UNC13A: variants seen among roughly 807,000 people sequenced by gnomAD.
UNC13A encodes protein unc-13 homolog A.
A neutral mutation model predicts 219.7 loss-of-function variants in UNC13A; 61 were observed. The ratio of observed to expected loss-of-function variants is 0.28; its 90% CI spans 0.23 to 0.34. The LOEUF is 0.34. UNC13A is among the 10% of genes least tolerant of loss of function. UNC13A has a pLI of 1.00. For missense variants in UNC13A, 1,476 were observed against 2,270.3 expected (o/e 0.65, Z 7.11); for synonymous variants, 920 against 884.6 (o/e 1.04, Z -0.71).
chr19:17,642,352 C>T (rs2076980113), intron 20 of UNC13A, among the ~76,000 whole-genome samples: 1 of 152,160 alleles, frequency 6.6e-6, no homozygotes, highest in African/African-American at 2.4e-5. Flanking sequence ...TCCATCCATC[C>T]ATCATCCATC....
At position 17,604,740 on chromosome 19, in the gene UNC13A, T is replaced by A. The variant is rs1171143424; in HGVS notation, c.*1314A>T. The A allele has an allele frequency of 1.3e-5, 2 of 152,234 alleles. No homozygotes were observed. Among genetic ancestry groups the A allele is most frequent in the African/African-American group, 4.8e-5 (2 of 41,438 alleles). 9.4% of individuals were successfully genotyped at this position (152,234 alleles called of 1,614,324 possible). On this transcript the variant is annotated 3_prime_UTR_variant, in exon 44 of 44. Coordinates refer to ENST00000519716, the MANE Select transcript of UNC13A (RefSeq NM_001080421.3). ...TCCAGCCAGGTCACTGTAACTTTGC[T>A]CATTGGAGAAAGAGCTTCCAGCTGG... is the stretch of plus-strand genomic sequence containing the variant.
At chr19:17,639,374 T>C (rs11882798) in intron 24 of UNC13A, 62 bp downstream of exon 24, 232,348 of 1,577,600 alleles carry the variant, frequency 0.15, 17,985 homozygotes, top group Middle Eastern at 0.19. Flanking sequence ...TCACTTGTCC[T>C]GGGAGCTGGG....
intron 1 of UNC13A, among the ~76,000 whole-genome samples, chr19:17,685,319 T>TCACCTC (rs2145938215): frequency 6.6e-6 from 1 of 152,120 alleles, no homozygotes; most frequent in Admixed American, 6.6e-5. Context: ...GCCTCCCGAG[T>TCACCTC]AGCTGAGACT....
At position 17,624,822 on chromosome 19, in the gene UNC13A, G is replaced by A. The variant is rs148883310; in HGVS notation, c.4197+7C>T. 0.023 allele frequency: 36,859 copies of A among 1,611,948 alleles called. 494 individuals are homozygous for A. The highest frequency in any genetic ancestry group is 0.029 in the Middle Eastern group (174 of 6,052). On this transcript the variant is annotated splice_region_variant and intron_variant, in intron 35 of 43. Coordinates refer to ENST00000519716, the MANE Select transcript of UNC13A (RefSeq NM_001080421.3). ...AAATGTCCCCTCGGGCCCCCTGCAG[G>A]TCTCACCGTCTGGTCAGTGAGGGGC...
intron 8 of UNC13A, among the ~76,000 whole-genome samples, chr19:17,658,513 A>G (rs11666188): frequency 0.09 from 13,745 of 152,228 alleles, 787 homozygotes; most frequent in Non-Finnish European, 0.13. Flanking sequence ...AGGACCTACA[A>G]TGTGAAGAAA....
intron 41 of UNC13A, 80 bp downstream of exon 41, chr19:17,617,622 A>G (rs2076680913): frequency 1.9e-6 from 3 of 1,570,692 alleles, no homozygotes; most frequent in Non-Finnish European, 2.6e-6. Flanking sequence ...CAGGGGAGTG[A>G]GCCAATGGCA....
At chr19:17,677,865 T>C (rs2079928985) in intron 1 of UNC13A, among the ~76,000 whole-genome samples, 1 of 152,190 alleles carries the variant, frequency 6.6e-6, no homozygotes, top group African/African-American at 2.4e-5. Context: ...CCACTGGAGA[T>C]GGTCCATGCG....
rs752183960 is a variant in UNC13A at position 17,627,842 on chromosome 19, C to T, written c.3831+21G>A. On this transcript the variant is annotated intron_variant, in intron 32 of 43. Transcript: ENST00000519716. The surrounding 1 kb of genome is among the most constrained non-coding windows in gnomAD (Gnocchi z 4.7). ...GGGGGTGCCCCATCCCTTCTCCAGCCCTGCCTCGGCCCTGCCTCACCTCCT... is the reference window on the plus strand; with the variant it reads ...GGGGGTGCCCCATCCCTTCTCCAGCTCTGCCTCGGCCCTGCCTCACCTCCT... The T allele has an allele frequency of 6.3e-7, 1 of 1,584,494 alleles. No homozygotes were observed. Among genetic ancestry groups the T allele is most frequent in the Non-Finnish European group, 8.6e-7 (1 of 1,163,204 alleles).
In UNC13A at chr19:17,617,798, T is replaced by C. The variant is rs759531080; in HGVS notation, c.4462A>G (p.Ser1488Gly). ...VGLKKTFLEKSPDLQSLRYAL... is the reference protein window; with the variant it reads ...VGLKKTFLEKGPDLQSLRYAL... ...TAGCGCAAGGATTGCAGGTCCGGGC[T>C]CTTCTCCAGGAAGGTCTTCTTGAGG... is the stretch of plus-strand genomic sequence containing the variant. Residue 1488 changes from serine (S) to glycine (G), a missense_variant, in exon 41 of 44, where the codon AGC (serine) becomes GGC (glycine). Around this residue, in one of 14 missense-constraint regions of UNC13A, gnomAD observed 77 missense variants for 94.8 expected, o/e 0.81. Transcript: ENST00000519716. 2 of 1,613,946 alleles carry C rather than the reference T, an allele frequency of 1.2e-6. No homozygotes were observed. Among genetic ancestry groups the C allele is most frequent in the Admixed American group, 1.7e-5 (1 of 60,022 alleles).
chr19:17,685,850 G>T (rs2080098430), intron 1 of UNC13A, among the ~76,000 whole-genome samples: 1 of 152,024 alleles, frequency 6.6e-6, no homozygotes, highest in South Asian at 2.1e-4. Context: ...TATTTCCTCA[G>T]CTGAGCTCAG....
At chr19:17,632,011 A>G (rs2076861174) in intron 28 of UNC13A, among the ~76,000 whole-genome samples, 4 of 152,302 alleles carry the variant, frequency 2.6e-5, no homozygotes, top group Admixed American at 2.6e-4. Context: ...CCTGGGTTCA[A>G]GCAATTCTCA....
chr19:17,664,102 C>T (rs952223138), intron 7 of UNC13A, among the ~76,000 whole-genome samples: 3 of 152,014 alleles, frequency 2.0e-5, no homozygotes, highest in Non-Finnish European at 4.4e-5. Context: ...CTGTGCCTGG[C>T]TCAGTTTTCA....
chr19:17,611,847 C>T lies in UNC13A; in HGVS notation c.4567G>A (p.Val1523Ile), dbSNP rs2144926415. Residue 1523 changes from valine (V) to isoleucine (I), a missense_variant, in exon 42 of 44, where the codon GTA (valine) becomes ATA (isoleucine). Val to Ile is a conservative substitution (Grantham distance 29). Transcript: ENST00000519716. ...VQTQSAQGLGVEDPVGEVSVH... is the reference protein window; with the variant it reads ...VQTQSAQGLGIEDPVGEVSVH... Reference sequence around the variant, plus strand: ...GAGACTTCACCCACAGGGTCTTCTACACCCAAGCCTGGGCAGGGCAGGGGA... The same window carrying T: ...GAGACTTCACCCACAGGGTCTTCTATACCCAAGCCTGGGCAGGGCAGGGGA... 1.2e-6 allele frequency: 2 copies of T among 1,613,962 alleles called. No homozygotes were observed. Among genetic ancestry groups the T allele is most frequent in the Non-Finnish European group, 1.7e-6 (2 of 1,179,856 alleles).
chr19:17,651,279 G>C (rs904465722), intron 12 of UNC13A, among the ~76,000 whole-genome samples: 4 of 151,612 alleles, frequency 2.6e-5, no homozygotes, highest in Non-Finnish European at 5.9e-5. Context: ...GTAGAGATGG[G>C]GGTCTCGCTA....
chr19:17,656,542 A>C, intron 9 of UNC13A, 144 bp from the exon 10 acceptor site: 1 of 940,212 alleles, frequency 1.1e-6, no homozygotes, highest in Non-Finnish European at 1.5e-6. Flanking sequence ...CACAGCCATG[A>C]TCAGAAAAGA....
At chr19:17,639,645 C>G in intron 23 of UNC13A, 120 bp from the exon 24 acceptor site, 2 of 1,236,476 alleles carry the variant, frequency 1.6e-6, no homozygotes, top group Non-Finnish European at 2.3e-6. Flanking sequence ...TAGAGCACCT[C>G]GAAGCAACTG....
At chr19:17,637,248 T>C (rs1315514730) in intron 25 of UNC13A, among the ~76,000 whole-genome samples, 1 of 151,914 alleles carries the variant, frequency 6.6e-6, no homozygotes, top group Non-Finnish European at 1.5e-5. Flanking sequence ...GTGCTGACAT[T>C]ACAGGTGTGA....
At chr19:17,630,394 G>T (rs759030382) in intron 29 of UNC13A, 106 bp from the exon 30 acceptor site, 24 of 1,488,080 alleles carry the variant, frequency 1.6e-5, no homozygotes, top group Admixed American at 4.4e-5. Context: ...CAATTTCCCC[G>T]GGGTGAGATG....
Position 17,647,580 on chromosome 19 carries a change from C to G in UNC13A, c.1817-88G>C, listed in dbSNP as rs1171905433. 3.0e-6 allele frequency: 4 copies of G among 1,327,280 alleles called. No homozygotes were observed. In the East Asian group the frequency reaches 9.7e-5, roughly 32 times the overall value. 82.2% of individuals were successfully genotyped at this position (1,327,280 alleles called of 1,614,324 possible). On this transcript the variant is annotated intron_variant, in intron 16 of 43. Coordinates refer to ENST00000519716, the MANE Select transcript of UNC13A (RefSeq NM_001080421.3). ...CGAGAGCCCCGCCCCTACTCATCAA[C>G]CGGGGGGACTCAGGTGTCACCCCCT...
Sources: allele counts gnomAD v4.1 joint callset (sites outside exome capture counted in the v4.1 genomes callset), GRCh38; gene constraint gnomAD v4.1.1; regional missense constraint gnomAD v4.1.1; non-coding constraint Gnocchi (gnomAD v3.1); transcripts MANE v1.5; gene names NCBI Gene and HGNC (gene_info 2026-07-23, HGNC 2026-07-21).